The following TMEM132D variants were observed in gnomAD, a reference collection of about 807,000 sequenced individuals.
The protein encoded by TMEM132D is transmembrane protein 132D.
A neutral mutation model predicts 62.3 loss-of-function variants in TMEM132D; 21 were observed. The observed-to-expected ratio is 0.34, with a 90% confidence interval of 0.24 to 0.49. The LOEUF is 0.49. TMEM132D is among the 20% of genes least tolerant of loss of function. The pLI, the probability that TMEM132D is intolerant of heterozygous loss-of-function variation, is 0.99. For synonymous variants in TMEM132D, 621 were observed against 575.6 expected (o/e 1.08, Z -1.13); for missense variants, 1,346 against 1,402.8 (o/e 0.96, Z 0.65).
chr12:129,799,750 A>G (rs1871702128), intron 1 of TMEM132D, among the ~76,000 whole-genome samples: 1 of 152,162 alleles, frequency 6.6e-6, no homozygotes. Context: ...GAGTAGCAGG[A>G]AAACTGCCAG....
chr12:129,525,772 T>C (rs1410662621), intron 3 of TMEM132D, among the ~76,000 whole-genome samples: 6 of 152,228 alleles, frequency 3.9e-5, no homozygotes, highest in Non-Finnish European at 8.8e-5. Flanking sequence ...ACATCACATT[T>C]TCTGGATCTC....
At chr12:129,147,140 TTCTC>T (rs748131020) in intron 5 of TMEM132D, among the ~76,000 whole-genome samples, 3 of 151,976 alleles carry the variant, frequency 2.0e-5, no homozygotes, top group African/African-American at 7.2e-5. Flanking sequence ...TTTAAAATTA[TTCTC>T]TCTCTCTGTA....
At chr12:129,187,840 T>C (rs1276212834) in intron 5 of TMEM132D, among the ~76,000 whole-genome samples, 1 of 152,246 alleles carries the variant, frequency 6.6e-6, no homozygotes, top group Non-Finnish European at 1.5e-5. Context: ...TACGAAGTCG[T>C]ATAGTAAAGA....
At chr12:129,285,505 TGACA>T (rs1881267755) in intron 4 of TMEM132D, among the ~76,000 whole-genome samples, 1 of 107,190 alleles carries the variant, frequency 9.3e-6, no homozygotes, top group South Asian at 3.4e-4. Flanking sequence ...GCAGCCTGGG[TGACA>T]GAGTGAGACT....
In TMEM132D at chr12:129,367,207, T is replaced by A. The variant is rs530417474; in HGVS notation, c.1116-29390A>T. Among the ~76,000 whole-genome samples the A allele has an allele frequency of 4.6e-5, 7 of 152,352 alleles. No homozygotes were observed. The East Asian group carries it at 1.2e-3, about 25-fold the overall frequency. On this transcript the variant is annotated intron_variant, in intron 3 of 8. Transcript: ENST00000422113. ...CGCCTTCATTTGCTGGTGTATAGAA[T>A]AAAGTGCTTATTGTTTGTGGGATTT...
intron 3 of TMEM132D, among the ~76,000 whole-genome samples, chr12:129,509,609 C>A (rs1350247135): frequency 6.6e-6 from 1 of 152,046 alleles, no homozygotes; most frequent in African/African-American, 2.4e-5. Context: ...CCATCCTTAC[C>A]TCCCCTTCTG....
At chr12:129,079,004 T>C (rs1307362024) in intron 7 of TMEM132D, among the ~76,000 whole-genome samples, 1 of 152,238 alleles carries the variant, frequency 6.6e-6, no homozygotes, top group Non-Finnish European at 1.5e-5. Context: ...TTTCCCACCA[T>C]GCTCCATCCT....
At chr12:129,801,586 GA>G (rs1388529112) in intron 1 of TMEM132D, among the ~76,000 whole-genome samples, 2 of 150,286 alleles carry the variant, frequency 1.3e-5, no homozygotes, top group Non-Finnish European at 1.5e-5. Context: ...CAAAGATGGG[GA>G]AAAAACAGAA....
In TMEM132D at chr12:129,342,762, G is replaced by A. The variant is rs371547004; in HGVS notation, c.1116-4945C>T. The stretch of plus-strand genomic sequence containing the variant: ...CAAACAACCCCATCAAAAAGTGGGC[G>A]AAGGATATGAACAGACACTTCTCAA... On this transcript the variant is annotated intron_variant, in intron 3 of 8. Transcript: ENST00000422113. 9.7e-4 allele frequency among the ~76,000 whole-genome samples: 148 copies of A among 152,232 alleles called. 2 individuals carry two copies. In the East Asian group the frequency reaches 0.011, roughly 11 times the overall value.
chr12:129,366,649 G>C (rs1286058705), intron 3 of TMEM132D, among the ~76,000 whole-genome samples: 1 of 152,192 alleles, frequency 6.6e-6, no homozygotes, highest in African/African-American at 2.4e-5. Flanking sequence ...ACCAGGCATC[G>C]CTGGGATGCT....
At chr12:129,385,660 A>T (rs765128194) in intron 3 of TMEM132D, among the ~76,000 whole-genome samples, 1 of 152,234 alleles carries the variant, frequency 6.6e-6, no homozygotes, top group African/African-American at 2.4e-5. Context: ...TTCTGACAAG[A>T]GAGTAAGGAG....
At chr12:129,773,252 C>T (rs1363738117) in intron 1 of TMEM132D, among the ~76,000 whole-genome samples, 1 of 152,122 alleles carries the variant, frequency 6.6e-6, no homozygotes, top group Non-Finnish European at 1.5e-5. Flanking sequence ...ACTTCAGGTG[C>T]GAGGGCGGCG....
intron 5 of TMEM132D, among the ~76,000 whole-genome samples, chr12:129,087,965 T>C (rs865774741): frequency 5.8e-4 from 35 of 60,312 alleles, no homozygotes; most frequent in African/African-American, 2.4e-3. Context: ...CTGACCGGGG[T>C]GTCCTCCATG....
At chr12:129,180,210 G>GGGGGGAGGA (rs1878025984) in intron 5 of TMEM132D, among the ~76,000 whole-genome samples, 1 of 149,804 alleles carries the variant, frequency 6.7e-6, no homozygotes, top group Non-Finnish European at 1.5e-5. Context: ...ACAGATAGTG[G>GGGGGGAGGA]GGAGGAGGAG....
intron 1 of TMEM132D, among the ~76,000 whole-genome samples, chr12:129,875,456 G>A (rs982157128): frequency 6.6e-6 from 1 of 152,210 alleles, no homozygotes; most frequent in East Asian, 1.9e-4. Context: ...TAAGGGCCCG[G>A]CTCTGCGTTG....
At chr12:129,534,133 T>C (rs1876311399) in intron 2 of TMEM132D, among the ~76,000 whole-genome samples, 1 of 152,236 alleles carries the variant, frequency 6.6e-6, no homozygotes, top group South Asian at 2.1e-4. Flanking sequence ...ACAACTGAGT[T>C]ACTTACATTC....
intron 2 of TMEM132D, among the ~76,000 whole-genome samples, chr12:129,564,648 G>C (rs1877319935): frequency 1.3e-5 from 2 of 152,204 alleles, no homozygotes; most frequent in Admixed American, 1.3e-4. Flanking sequence ...TTAATTACAA[G>C]TATGTTCTCA....
At chr12:129,150,065 C>A (rs916012126) in intron 5 of TMEM132D, among the ~76,000 whole-genome samples, 3 of 152,246 alleles carry the variant, frequency 2.0e-5, no homozygotes, top group Admixed American at 2.0e-4. Flanking sequence ...GCAGAAGCTG[C>A]GCCTCCTGCA....
At chr12:129,343,735 A>C (rs1281440161) in intron 3 of TMEM132D, among the ~76,000 whole-genome samples, 1 of 150,344 alleles carries the variant, frequency 6.7e-6, no homozygotes, top group Non-Finnish European at 1.5e-5. Context: ...AACATGGTGA[A>C]GCCTCATCTC....
Sources: gnomAD v4.1 joint callset for allele counts (sites outside exome capture counted in the v4.1 genomes callset) on GRCh38, gnomAD v4.1.1 for gene constraint, MANE v1.5 for transcripts, NCBI Gene and HGNC (gene_info 2026-07-23, HGNC 2026-07-21) for gene names.